Variants in RGPD2 observed in about 807,000 individuals in gnomAD.
The protein encoded by RGPD2 is RANBP2-like and GRIP domain-containing protein 2.
RGPD2 carries 2 observed loss-of-function variants against 36.0 expected under a neutral mutation model. The observed-to-expected ratio is 0.06, with a 90% CI of 0.02 to 0.17. RGPD2 has a LOEUF of 0.17. RGPD2 is among the 10% of genes least tolerant of loss of function. RGPD2 has a pLI of 1.00. For missense variants in RGPD2, 40 were observed against 464.3 expected (o/e 0.09, Z 8.40); for synonymous variants, 19 against 163.8 (o/e 0.12, Z 6.75).
the RGPD2 span, among the ~76,000 whole-genome samples, chr2:87,860,816 T>G: frequency 3.9e-5 from 6 of 152,092 alleles, no homozygotes; most frequent in Non-Finnish European, 8.8e-5. Context: ...AAGAAAAAAG[T>G]ATGGCTTCTC....
the RGPD2 span, among the ~76,000 whole-genome samples, chr2:87,922,117 C>T: frequency 1.3e-5 from 2 of 151,506 alleles, no homozygotes; most frequent in African/African-American, 2.4e-5. Flanking sequence ...CATGATGAAG[C>T]CCCGTCTCTA....
At chr2:87,960,201 T>G in the RGPD2 span, among the ~76,000 whole-genome samples, 1 of 152,096 alleles carries the variant, frequency 6.6e-6, no homozygotes, top group South Asian at 2.1e-4. Flanking sequence ...GATGATTCAG[T>G]CTTCCTCACC....
the RGPD2 span, among the ~76,000 whole-genome samples, chr2:87,932,620 T>A: frequency 6.7e-6 from 1 of 149,484 alleles, no homozygotes; most frequent in Admixed American, 6.7e-5. Context: ...AGTGATTTCT[T>A]CAGGAGCTCT....
At chr2:87,884,333 A>G in the RGPD2 span, among the ~76,000 whole-genome samples, 1 of 152,076 alleles carries the variant, frequency 6.6e-6, no homozygotes, top group Non-Finnish European at 1.5e-5. Context: ...ATTAAAATCT[A>G]CATCAAAAAA....
At chr2:87,943,756 T>G in the RGPD2 span, among the ~76,000 whole-genome samples, 1 of 151,698 alleles carries the variant, frequency 6.6e-6, no homozygotes, top group Non-Finnish European at 1.5e-5. Context: ...TTTCTTCTAG[T>G]AGTTTTACAG....
At chr2:87,892,359 G>A in the RGPD2 span, among the ~76,000 whole-genome samples, 1 of 151,894 alleles carries the variant, frequency 6.6e-6, no homozygotes, top group Non-Finnish European at 1.5e-5. Context: ...ATCCTGGACT[G>A]GTAGTGCCCT....
the RGPD2 span, among the ~76,000 whole-genome samples, chr2:87,969,952 A>C: frequency 1.3e-5 from 2 of 150,550 alleles, no homozygotes; most frequent in African/African-American, 4.9e-5. Flanking sequence ...GATGACAATT[A>C]TAAAAACTTT....
intron 22 of RGPD2, among the ~76,000 whole-genome samples, chr2:87,763,235 G>T (rs1227706412): frequency 1.4e-5 from 2 of 142,130 alleles, no homozygotes; most frequent in African/African-American, 5.4e-5. Flanking sequence ...TCAGCTCACT[G>T]CAAGCTCCGC....
chr2:87,872,740 T>C, the RGPD2 span, among the ~76,000 whole-genome samples: 2 of 151,566 alleles, frequency 1.3e-5, no homozygotes, highest in Non-Finnish European at 2.9e-5. Context: ...TGTGTTCTCA[T>C]CATTCAGCTC....
chr2:87,977,654 G>A, the RGPD2 span, among the ~76,000 whole-genome samples: 8 of 148,550 alleles, frequency 5.4e-5, no homozygotes, highest in East Asian at 6.2e-4. Context: ...TTCTTTAAAC[G>A]AGAAAAAAAT....
At chr2:87,932,664 A>G in the RGPD2 span, among the ~76,000 whole-genome samples, 1 of 151,234 alleles carries the variant, frequency 6.6e-6, no homozygotes, top group Non-Finnish European at 1.5e-5. Flanking sequence ...AAATTTCTTC[A>G]GCATTTGCTT....
chr2:87,824,792 G>GCC (rs1686593141), intron 1 of RGPD2: 1 of 39,108 alleles, frequency 2.6e-5, no homozygotes, highest in Admixed American at 2.8e-4. Context: ...GGCCGAGGCC[G>GCC]AGGCCGCCGC....
the RGPD2 span, among the ~76,000 whole-genome samples, chr2:87,915,911 A>C: frequency 6.6e-6 from 1 of 151,658 alleles, no homozygotes; most frequent in Non-Finnish European, 1.5e-5. Flanking sequence ...ATAAAGAAGA[A>C]TGAAAAGGTA....
chr2:87,986,957 G>A, the RGPD2 span, among the ~76,000 whole-genome samples: 1 of 143,414 alleles, frequency 7.0e-6, no homozygotes, highest in South Asian at 2.3e-4. Flanking sequence ...ACATACTTCA[G>A]TAAATATATA....
At chr2:87,876,290 C>T in the RGPD2 span, among the ~76,000 whole-genome samples, 1 of 147,364 alleles carries the variant, frequency 6.8e-6, no homozygotes, top group African/African-American at 2.5e-5. Context: ...TCTTGATTCT[C>T]TAGTTTTTGT....
the RGPD2 span, among the ~76,000 whole-genome samples, chr2:87,864,501 A>T: frequency 6.6e-6 from 1 of 152,270 alleles, no homozygotes; most frequent in African/African-American, 2.4e-5. Context: ...ATAGCAGAAC[A>T]TAGGACTTCT....
At chr2:87,844,472 A>T in the RGPD2 span, among the ~76,000 whole-genome samples, 1 of 149,932 alleles carries the variant, frequency 6.7e-6, no homozygotes, top group Non-Finnish European at 1.5e-5. Context: ...CAAAACATTC[A>T]CTCTTGTTCT....
the RGPD2 span, among the ~76,000 whole-genome samples, chr2:87,893,580 A>T: frequency 8.4e-6 from 1 of 119,278 alleles, no homozygotes; most frequent in Non-Finnish European, 1.7e-5. Flanking sequence ...CTAATTTACT[A>T]CCCGATTTTA....
chr2:87,885,180 A>T, the RGPD2 span, among the ~76,000 whole-genome samples: 2 of 152,086 alleles, frequency 1.3e-5, no homozygotes, highest in Non-Finnish European at 2.9e-5. Context: ...TATCCCTGGG[A>T]TGCAAGATTG....
Sources: gnomAD v4.1 joint callset for allele counts (sites outside exome capture counted in the v4.1 genomes callset) on GRCh38, gnomAD v4.1.1 for gene constraint, MANE v1.5 for transcripts, NCBI Gene and HGNC (gene_info 2026-07-23, HGNC 2026-07-21) for gene names.